The following ASAP1 variants were observed in gnomAD, a reference collection of about 807,000 sequenced individuals.
ASAP1 encodes arf-GAP with SH3 domain, ANK repeat and PH domain-containing protein 1.
ASAP1 carries 43 observed loss-of-function variants against 145.2 expected under a neutral mutation model. The ratio of observed to expected loss-of-function variants is 0.30; its 90% CI spans 0.23 to 0.38. The LOEUF (loss-of-function observed/expected upper bound fraction) is 0.38, where lower values mean the gene tolerates loss of function less well. Ranked by LOEUF, ASAP1 falls within the 10% of genes least tolerant of loss-of-function variation. The pLI is 1.00. For synonymous variants in ASAP1, 546 were observed against 515.5 expected (o/e 1.06, Z -0.80); for missense variants, 1,018 against 1,355.3 (o/e 0.75, Z 3.91).
chr8:130,404,451 A>G (rs1828936756), intron 1 of ASAP1, among the ~76,000 whole-genome samples: 1 of 152,246 alleles, frequency 6.6e-6, no homozygotes, highest in South Asian at 2.1e-4. Flanking sequence ...AACATATGCT[A>G]TCCTTCAGAA....
chr8:130,236,909 AG>A lies in ASAP1; in HGVS notation c.259+12del, dbSNP rs1818248289. The A allele has an allele frequency of 6.6e-7, 1 of 1,524,238 alleles. No homozygotes were observed. Among genetic ancestry groups the A allele is most frequent in the African/African-American group, 1.4e-5 (1 of 72,304 alleles). 94.4% of individuals were successfully genotyped at this position (1,524,238 alleles called of 1,614,324 possible). On this transcript the variant is annotated intron_variant, in intron 4 of 29. Transcript: ENST00000518721. ...TTATAATTCATGTTACCTCATTTTT[AG>A]TAAGTGCTTACCTTGACCAGAATTA...
intron 11 of ASAP1, among the ~76,000 whole-genome samples, chr8:130,160,416 A>G (rs2097666673): frequency 6.6e-6 from 1 of 152,208 alleles, no homozygotes; most frequent in Admixed American, 6.5e-5. Flanking sequence ...ATATGCCCCC[A>G]AATAAAAGGG....
In ASAP1 at chr8:130,118,235, C is replaced by T; in HGVS notation, c.1806G>A (p.Glu602=). 6.2e-6 allele frequency: 10 copies of T among 1,613,828 alleles called. No individual in the cohort carries two copies. The highest frequency in any genetic ancestry group is 8.5e-6 in the Non-Finnish European group (10 of 1,179,866). The change falls in exon 20 of 30, where the codon GAG becomes GAA. Residue 602 remains glutamate, a synonymous_variant. Coordinates refer to ENST00000518721, the MANE Select transcript of ASAP1 (RefSeq NM_018482.4). ...TTCGGACGGCAAGGTGAAGGGCTGTCTCCCCAAGCTCCTAAAAAGGGAAAG... is the reference window on the plus strand; with the variant it reads ...TTCGGACGGCAAGGTGAAGGGCTGTTTCCCCAAGCTCCTAAAAAGGGAAAG... ...PLLEPGQELG[E]TALHLAVRTA... is the part of the protein sequence containing the mutation.
chr8:130,188,723 C>CAAAAAAAAAAAAA (rs370580190), intron 5 of ASAP1, among the ~76,000 whole-genome samples: 62 of 83,818 alleles, frequency 7.4e-4, no homozygotes, highest in Non-Finnish European at 1.1e-3. Flanking sequence ...GAGACTCTCT[C>CAAAAAAAAAAAAA]AAAAAAAAAA....
intron 7 of ASAP1, 135 bp downstream of exon 7, chr8:130,187,101 T>C: frequency 2.8e-6 from 2 of 716,138 alleles, no homozygotes; most frequent in Non-Finnish European, 2.3e-6. Flanking sequence ...CTAGAGGATA[T>C]ACTAAACAGG....
intron 2 of ASAP1, 128 bp downstream of exon 2, chr8:130,401,757 G>A (rs1828806548): frequency 1.4e-5 from 11 of 797,632 alleles, no homozygotes; most frequent in Admixed American, 7.1e-5. Context: ...AATAACAATC[G>A]TGCACACAGT....
chr8:130,379,662 G>A (rs1039703905), intron 2 of ASAP1, among the ~76,000 whole-genome samples: 1 of 152,218 alleles, frequency 6.6e-6, no homozygotes, highest in Admixed American at 6.5e-5. Flanking sequence ...AACATTTGGA[G>A]TCAGAAGTGG....
Position 130,318,008 on chromosome 8 carries a change from A to G in ASAP1, c.186+40009T>C, listed in dbSNP as rs1392255810. ...GGAAACTATTAGCAAATGGACGTGC[A>G]GAAAGCATCCACTGATAGAGAGTTT... is the stretch of plus-strand genomic sequence containing the variant. On this transcript the variant is annotated intron_variant, in intron 3 of 29. Transcript: ENST00000518721. 3.3e-5 allele frequency among the ~76,000 whole-genome samples: 5 copies of G among 152,256 alleles called. No individual in the cohort carries two copies. In the East Asian group the frequency reaches 9.6e-4, roughly 29 times the overall value.
chr8:130,356,212 C>T (rs763936179), intron 3 of ASAP1, among the ~76,000 whole-genome samples: 1 of 152,158 alleles, frequency 6.6e-6, no homozygotes, highest in African/African-American at 2.4e-5. Flanking sequence ...ACAGCATCAC[C>T]GAATACTTAA....
intron 3 of ASAP1, among the ~76,000 whole-genome samples, chr8:130,297,778 T>C (rs1822377594): frequency 6.6e-6 from 1 of 152,208 alleles, no homozygotes; most frequent in Non-Finnish European, 1.5e-5. Flanking sequence ...CTGTTCCTTC[T>C]GGAGAGGCCC....
chr8:130,244,625 A>C (rs1565129367), intron 3 of ASAP1, among the ~76,000 whole-genome samples: 1 of 152,176 alleles, frequency 6.6e-6, no homozygotes, highest in Non-Finnish European at 1.5e-5. Flanking sequence ...TTAGGCTATA[A>C]AGATACAGAA....
At chr8:130,248,498 A>C (rs2136820483) in intron 3 of ASAP1, among the ~76,000 whole-genome samples, 1 of 152,262 alleles carries the variant, frequency 6.6e-6, no homozygotes, top group South Asian at 2.1e-4. Flanking sequence ...GACCCATCAC[A>C]CAGGGAGGAA....
chr8:130,409,595 T>C (rs939940431), intron 1 of ASAP1, among the ~76,000 whole-genome samples: 1 of 152,176 alleles, frequency 6.6e-6, no homozygotes, highest in Non-Finnish European at 1.5e-5. Context: ...AGAGGAGACC[T>C]TGCAGAAGCC....
At chr8:130,262,126 G>A (rs1454846598) in intron 3 of ASAP1, among the ~76,000 whole-genome samples, 1 of 151,958 alleles carries the variant, frequency 6.6e-6, no homozygotes, top group Non-Finnish European at 1.5e-5. Flanking sequence ...GCTGGGCGCG[G>A]TGGCTCACAC....
intron 3 of ASAP1, among the ~76,000 whole-genome samples, chr8:130,320,073 C>T (rs1359047247): frequency 6.6e-6 from 1 of 152,120 alleles, no homozygotes; most frequent in Admixed American, 6.5e-5. Flanking sequence ...GTATTTTCCA[C>T]ATTTTTATAA....
intron 24 of ASAP1, among the ~76,000 whole-genome samples, chr8:130,096,413 G>A (rs966884792): frequency 3.9e-5 from 6 of 152,170 alleles, no homozygotes; most frequent in Non-Finnish European, 8.8e-5. Flanking sequence ...AGTGAGTGGT[G>A]ACAGAGATGC....
At chr8:130,230,065 AAAACAAACAAACAAACAAACAAACAAAC>A (rs3997633) in intron 4 of ASAP1, among the ~76,000 whole-genome samples, 4 of 150,166 alleles carry the variant, frequency 2.7e-5, no homozygotes, top group Non-Finnish European at 4.4e-5. Flanking sequence ...TCCTGTCTCC[AAAACAAACAAACAAACAAACAAACAAAC>A]AAACAAACAA....
intron 2 of ASAP1, among the ~76,000 whole-genome samples, chr8:130,359,495 T>A (rs1015144270): frequency 6.6e-6 from 1 of 152,086 alleles, no homozygotes; most frequent in Non-Finnish European, 1.5e-5. Flanking sequence ...GATTGGTACC[T>A]GTAATTCAAG....
At chr8:130,162,374 G>A (rs1265901618) in intron 11 of ASAP1, among the ~76,000 whole-genome samples, 1 of 152,154 alleles carries the variant, frequency 6.6e-6, no homozygotes, top group Non-Finnish European at 1.5e-5. Context: ...AATGGATTGG[G>A]TTGCAGGGAA....
Sources: gnomAD v4.1 joint callset for allele counts (sites outside exome capture counted in the v4.1 genomes callset) on GRCh38, gnomAD v4.1.1 for gene constraint, MANE v1.5 for transcripts, NCBI Gene and HGNC (gene_info 2026-07-23, HGNC 2026-07-21) for gene names.